The following FOXO1 variants were observed in gnomAD, a reference collection of about 807,000 sequenced individuals.
The protein encoded by FOXO1 is forkhead box protein O1.
FOXO1 carries 6 observed loss-of-function variants against 44.1 expected under a neutral mutation model. The ratio of observed to expected loss-of-function variants is 0.14; its 90% CI spans 0.07 to 0.27. FOXO1 has a LOEUF of 0.27. Ranked by LOEUF, FOXO1 falls within the 10% of genes least tolerant of loss-of-function variation. FOXO1 has a pLI of 1.00. For missense variants in FOXO1, 737 were observed against 888.8 expected (o/e 0.83, Z 2.17); for synonymous variants, 380 against 362.7 (o/e 1.05, Z -0.54).
At chr13:40,579,125 G>T (rs1244470671) in intron 1 of FOXO1, among the ~76,000 whole-genome samples, 2 of 152,202 alleles carry the variant, frequency 1.3e-5, no homozygotes, top group Non-Finnish European at 2.9e-5. Context: ...ATGGGTATAA[G>T]TGCTTCAAAA....
intron 1 of FOXO1, among the ~76,000 whole-genome samples, chr13:40,622,191 G>A (rs1362068056): frequency 6.6e-6 from 1 of 152,066 alleles, no homozygotes; most frequent in Non-Finnish European, 1.5e-5. Context: ...ATTAAATAAG[G>A]TATACAATAT....
intron 1 of FOXO1, among the ~76,000 whole-genome samples, chr13:40,613,293 T>A (rs1225141276): frequency 1.3e-5 from 2 of 152,134 alleles, no homozygotes; most frequent in African/African-American, 4.8e-5. Context: ...TAGTCTGTCA[T>A]CTCTCTCTTC....
At chr13:40,621,988 G>A (rs1876631707) in intron 1 of FOXO1, among the ~76,000 whole-genome samples, 1 of 152,104 alleles carries the variant, frequency 6.6e-6, no homozygotes, top group Non-Finnish European at 1.5e-5. Flanking sequence ...GAGAGAAAAG[G>A]GATTCGGATA....
chr13:40,588,074 G>A (rs1310401216), intron 1 of FOXO1, among the ~76,000 whole-genome samples: 2 of 152,154 alleles, frequency 1.3e-5, no homozygotes, highest in Non-Finnish European at 2.9e-5. Context: ...AGGAAGCCCA[G>A]GATAGAAAGG....
intron 1 of FOXO1, among the ~76,000 whole-genome samples, chr13:40,575,845 C>T (rs961604429): frequency 1.2e-4 from 19 of 152,122 alleles, no homozygotes; most frequent in Admixed American, 7.9e-4. Context: ...AAAGGCCCTA[C>T]GCTGGAATTG....
At chr13:40,642,072 C>G (rs183490478) in intron 1 of FOXO1, among the ~76,000 whole-genome samples, 13 of 152,330 alleles carry the variant, frequency 8.5e-5, no homozygotes, top group African/African-American at 2.2e-4. Flanking sequence ...CTTCGTGTCT[C>G]AGTTTCCTCA....
chr13:40,598,747 A>G (rs1875693322), intron 1 of FOXO1, among the ~76,000 whole-genome samples: 2 of 152,206 alleles, frequency 1.3e-5, no homozygotes, highest in Non-Finnish European at 2.9e-5. Flanking sequence ...TGGCATCACT[A>G]GGAGCTGGTT....
At chr13:40,609,674 T>C (rs548723304) in intron 1 of FOXO1, among the ~76,000 whole-genome samples, 81 of 152,248 alleles carry the variant, frequency 5.3e-4, no homozygotes, top group African/African-American at 1.9e-3. Context: ...TATTTGCATA[T>C]ATTCAAACTC....
At chr13:40,564,282 TAA>T (rs61574102) in intron 1 of FOXO1, among the ~76,000 whole-genome samples, 18 of 145,568 alleles carry the variant, frequency 1.2e-4, no homozygotes, top group Admixed American at 2.0e-4. Context: ...ATTTAGACTT[TAA>T]AAAAAAAAAA....
chr13:40,625,253 G>A (rs1876748596), intron 1 of FOXO1, among the ~76,000 whole-genome samples: 1 of 152,208 alleles, frequency 6.6e-6, no homozygotes, highest in Non-Finnish European at 1.5e-5. Flanking sequence ...TTGTGACCTA[G>A]AATATGACAT....
intron 1 of FOXO1, among the ~76,000 whole-genome samples, chr13:40,623,595 G>C (rs1329421325): frequency 6.6e-6 from 1 of 152,088 alleles, no homozygotes; most frequent in Non-Finnish European, 1.5e-5. Context: ...ATGAACCACT[G>C]TAAGTGACAA....
At chr13:40,658,185 C>A (rs1379977734) in intron 1 of FOXO1, among the ~76,000 whole-genome samples, 1 of 152,172 alleles carries the variant, frequency 6.6e-6, no homozygotes, top group Admixed American at 6.6e-5. Flanking sequence ...GCAAGATCTG[C>A]TGAATTTCAG....
At chr13:40,624,317 T>TAAAAAAAAAAAAAAAAA (rs10552634) in intron 1 of FOXO1, among the ~76,000 whole-genome samples, 5 of 100,952 alleles carry the variant, frequency 5.0e-5, no homozygotes, top group Non-Finnish European at 6.3e-5. Flanking sequence ...TAATACTGCT[T>TAAAAAAAAAAAAAAAAA]AAAAAAAAAA....
chr13:40,560,310 G>A lies in FOXO1; in HGVS notation c.1181C>T (p.Ser394Leu), dbSNP rs1873947804. 3.1e-6 allele frequency: 5 copies of A among 1,614,080 alleles called. No homozygotes were observed. The highest frequency in any genetic ancestry group is 1.7e-5 in the Admixed American group (1 of 60,010). The change falls in exon 2 of 3, where the codon TCA (serine) becomes TTA (leucine). Residue 394 changes from serine to leucine, a missense_variant. This residue lies in a region of FOXO1 where 283 missense variants were observed against 278.1 expected (regional missense o/e 1.02). Transcript: ENST00000379561. This position sits in a 1 kb window ranked among gnomAD's most constrained non-coding sequence, Gnocchi z 5.1. ...PTSLTVSTQSSPGTMMQQTPC... is the reference protein window; with the variant it reads ...PTSLTVSTQSLPGTMMQQTPC... ...CGTCTGCTGCATCATGGTGCCAGGT[G>A]AGGACTGGGTCGAAACAGTTAATGA...
chr13:40,651,459 A>G (rs1877684833), intron 1 of FOXO1, among the ~76,000 whole-genome samples: 1 of 152,158 alleles, frequency 6.6e-6, no homozygotes. Flanking sequence ...ACATCAAAAC[A>G]TGCCTAATTA....
At chr13:40,572,833 T>C (rs1049518859) in intron 1 of FOXO1, among the ~76,000 whole-genome samples, 2 of 152,178 alleles carry the variant, frequency 1.3e-5, no homozygotes, top group Non-Finnish European at 2.9e-5. Context: ...TAAGACACAG[T>C]AGGTCTGCTG....
intron 1 of FOXO1, among the ~76,000 whole-genome samples, chr13:40,603,158 C>T (rs1875871131): frequency 6.6e-6 from 1 of 152,064 alleles, no homozygotes; most frequent in South Asian, 2.1e-4. Flanking sequence ...CCATTTTAGG[C>T]TTCTCTCAGG....
intron 1 of FOXO1, among the ~76,000 whole-genome samples, chr13:40,624,317 TAAA>T (rs10552634): frequency 9.9e-6 from 1 of 100,988 alleles, no homozygotes. Context: ...TAATACTGCT[TAAA>T]AAAAAAAAAA....
chr13:40,561,179 C>A (rs964244012), intron 1 of FOXO1, among the ~76,000 whole-genome samples: 2 of 151,986 alleles, frequency 1.3e-5, no homozygotes, highest in African/African-American at 4.8e-5. Context: ...AGTGAAACCC[C>A]ATCTCTACTA....
Sources: allele counts gnomAD v4.1 joint callset (sites outside exome capture counted in the v4.1 genomes callset), GRCh38; gene constraint gnomAD v4.1.1; regional missense constraint gnomAD v4.1.1; non-coding constraint Gnocchi (gnomAD v3.1); transcripts MANE v1.5; gene names NCBI Gene and HGNC (gene_info 2026-07-23, HGNC 2026-07-21).